TRAPPC9: variants seen among roughly 807,000 people sequenced by gnomAD.
TRAPPC9 encodes IKK2 binding protein.
A neutral mutation model predicts 124.0 loss-of-function variants in TRAPPC9; 83 were observed. The observed-to-expected ratio is 0.67, with a 90% CI of 0.56 to 0.80. TRAPPC9 has a LOEUF of 0.80. Among genes scored for constraint, TRAPPC9 ranks in the 30% least tolerant of loss-of-function variants. The pLI is 0.00. For synonymous variants in TRAPPC9, 638 were observed against 617.5 expected, an observed-to-expected ratio of 1.03 and a Z score of -0.49; for missense variants, 1,302 against 1,508.3, an observed-to-expected ratio of 0.86 and a Z score of 2.27.
chr8:140,361,143 T>A (rs1467653211), intron 8 of TRAPPC9, among the ~76,000 whole-genome samples: 1 of 152,222 alleles, frequency 6.6e-6, no homozygotes. Flanking sequence ...AAAAAACGCA[T>A]AAATGCACAT....
intron 17 of TRAPPC9, among the ~76,000 whole-genome samples, chr8:140,033,934 G>A (rs143471661): frequency 1.8e-3 from 271 of 152,122 alleles, no homozygotes; most frequent in African/African-American, 6.0e-3. Flanking sequence ...CACCTGCCTC[G>A]GCTTCCCAAA....
intron 17 of TRAPPC9, among the ~76,000 whole-genome samples, chr8:140,129,866 C>T (rs2061172923): frequency 6.6e-6 from 1 of 152,200 alleles, no homozygotes. Flanking sequence ...TACGCATGCA[C>T]ACGCACATAC....
chr8:139,870,492 T>A (rs1563878305), intron 21 of TRAPPC9, among the ~76,000 whole-genome samples: 1 of 152,206 alleles, frequency 6.6e-6, no homozygotes, highest in Non-Finnish European at 1.5e-5. Flanking sequence ...CCATCATGCT[T>A]ATAACAGCAA....
chr8:140,446,400 T>C (rs1322455345), intron 2 of TRAPPC9, among the ~76,000 whole-genome samples: 3 of 151,908 alleles, frequency 2.0e-5, no homozygotes, highest in African/African-American at 4.8e-5. Context: ...TCTCTGGTTC[T>C]GAATGCTCAT....
At chr8:140,043,167 C>T (rs565042627) in intron 17 of TRAPPC9, among the ~76,000 whole-genome samples, 44 of 152,310 alleles carry the variant, frequency 2.9e-4, no homozygotes, top group African/African-American at 1.0e-3. Flanking sequence ...GTAAGAAAGG[C>T]TGAATCCAGC....
At chr8:140,006,705 A>G (rs1455302193) in intron 18 of TRAPPC9, among the ~76,000 whole-genome samples, 1 of 152,250 alleles carries the variant, frequency 6.6e-6, no homozygotes, top group Non-Finnish European at 1.5e-5. Flanking sequence ...TCTTGAAAAC[A>G]ACACACCAAG....
At chr8:139,912,203 G>C (rs1438417854) in intron 19 of TRAPPC9, among the ~76,000 whole-genome samples, 1 of 152,070 alleles carries the variant, frequency 6.6e-6, no homozygotes. Flanking sequence ...ATTTAACATA[G>C]TTTAAAATCA....
chr8:140,271,768 G>A (rs917091253), intron 15 of TRAPPC9, among the ~76,000 whole-genome samples: 4 of 152,202 alleles, frequency 2.6e-5, no homozygotes, highest in Non-Finnish European at 4.4e-5. Flanking sequence ...GTAAAGGCAG[G>A]TGAAATGAAT....
At chr8:139,732,733 A>T (rs1817921275) in intron 21 of TRAPPC9, among the ~76,000 whole-genome samples, 1 of 152,060 alleles carries the variant, frequency 6.6e-6, no homozygotes, top group Non-Finnish European at 1.5e-5. Flanking sequence ...ACTCCCTATA[A>T]AGTGGCTGCA....
intron 21 of TRAPPC9, among the ~76,000 whole-genome samples, chr8:139,796,663 G>C (rs983328516): frequency 1.3e-5 from 2 of 152,200 alleles, no homozygotes; most frequent in Non-Finnish European, 2.9e-5. Context: ...CAGCTGATGA[G>C]CATTTGTGTT....
At chr8:139,933,368 G>C (rs1833318030) in intron 19 of TRAPPC9, 1 of 152,232 alleles carries the variant, frequency 6.6e-6, no homozygotes, top group Admixed American at 6.5e-5. Context: ...GTTGCCAAGG[G>C]AGATATCATC....
At chr8:140,249,459 T>C (rs2064073207) in intron 16 of TRAPPC9, among the ~76,000 whole-genome samples, 1 of 152,150 alleles carries the variant, frequency 6.6e-6, no homozygotes, top group African/African-American at 2.4e-5. Flanking sequence ...ATTCCACATA[T>C]TTGGTATTGT....
Position 139,907,246 on chromosome 8 carries a change from G to C in TRAPPC9, c.2964+2901C>G, listed in dbSNP as rs571758502. On this transcript the variant is annotated intron_variant, in intron 20 of 22. Coordinates refer to ENST00000438773, the MANE Select transcript of TRAPPC9 (RefSeq NM_001160372.4). This position sits in a 1 kb window ranked among gnomAD's most constrained non-coding sequence, Gnocchi z 4.7. ...TCATAGACAGGTGTGCATCGACCCA[G>C]TGCAAGATCCCCAATTTCCTTTAAA... Among the ~76,000 whole-genome samples the C allele has an allele frequency of 3.9e-5, 6 of 152,318 alleles. No homozygotes were observed. Among genetic ancestry groups the C allele is most frequent in the African/African-American group, 1.4e-4 (6 of 41,578 alleles).
At chr8:140,434,766 C>T (rs1443172130) in intron 4 of TRAPPC9, among the ~76,000 whole-genome samples, 4 of 151,938 alleles carry the variant, frequency 2.6e-5, no homozygotes, top group Non-Finnish European at 5.9e-5. Context: ...GTCAAGCATT[C>T]GAGACCAGCC....
intron 21 of TRAPPC9, among the ~76,000 whole-genome samples, chr8:139,790,741 G>A (rs1430795742): frequency 1.3e-5 from 2 of 152,184 alleles, no homozygotes; most frequent in Non-Finnish European, 2.9e-5. Context: ...AGTGGTTATG[G>A]TTGGATGTTT....
chr8:139,856,945 A>G (rs1827838372), intron 21 of TRAPPC9, among the ~76,000 whole-genome samples: 1 of 152,096 alleles, frequency 6.6e-6, no homozygotes, highest in South Asian at 2.1e-4. Flanking sequence ...GGACACAGAG[A>G]TGACTCGGGC....
intron 17 of TRAPPC9, chr8:140,095,706 T>A (rs571396288): frequency 6.6e-6 from 1 of 152,140 alleles, no homozygotes; most frequent in Non-Finnish European, 1.5e-5. Flanking sequence ...ATGAGCCAAG[T>A]AGAGGGACTG....
chr8:139,893,300 A>C (rs549584152), intron 20 of TRAPPC9, among the ~76,000 whole-genome samples: 1 of 152,248 alleles, frequency 6.6e-6, no homozygotes, highest in East Asian at 1.9e-4. Flanking sequence ...TCTCCTTTTC[A>C]GGCTCTGTGC....
chr8:140,289,689 A>C (rs2065592667), intron 12 of TRAPPC9, among the ~76,000 whole-genome samples: 1 of 152,310 alleles, frequency 6.6e-6, no homozygotes, highest in African/African-American at 2.4e-5. Context: ...AAGACCAAAA[A>C]AAAAAATGTG....
Sources: allele counts gnomAD v4.1 joint callset (sites outside exome capture counted in the v4.1 genomes callset), GRCh38; gene constraint gnomAD v4.1.1; non-coding constraint Gnocchi (gnomAD v3.1); transcripts MANE v1.5; gene names NCBI Gene and HGNC (gene_info 2026-07-23, HGNC 2026-07-21).